Variants in KCNN2 observed in about 807,000 individuals in gnomAD.
KCNN2 encodes the protein small conductance calcium-activated potassium channel protein 2.
KCNN2 carries 24 observed loss-of-function variants against 55.5 expected under a neutral mutation model. The observed-to-expected ratio is 0.43, with a 90% CI of 0.31 to 0.61. The LOEUF (loss-of-function observed/expected upper bound fraction) is 0.61, where lower values mean the gene tolerates loss of function less well. Ranked by LOEUF, KCNN2 falls within the 20% of genes least tolerant of loss-of-function variation. KCNN2 has a pLI of 0.08. For missense variants in KCNN2, 754 were observed against 853.6 expected, an observed-to-expected ratio of 0.88 and a Z score of 1.45; for synonymous variants, 431 against 336.1, an observed-to-expected ratio of 1.28 and a Z score of -3.09.
intron 2 of KCNN2, among the ~76,000 whole-genome samples, chr5:114,276,934 T>C (rs1293744356): frequency 6.6e-6 from 1 of 152,184 alleles, no homozygotes; most frequent in Non-Finnish European, 1.5e-5. Context: ...CTTCATAGTG[T>C]CGATGGTCTT....
intron 1 of KCNN2, among the ~76,000 whole-genome samples, chr5:114,146,915 T>G (rs1454491616): frequency 2.0e-5 from 3 of 152,114 alleles, no homozygotes; most frequent in Non-Finnish European, 4.4e-5. Context: ...TTCTGACAGG[T>G]TTTTGTAACA....
chr5:114,305,437 TC>T (rs1756249486), intron 2 of KCNN2, among the ~76,000 whole-genome samples: 1 of 152,132 alleles, frequency 6.6e-6, no homozygotes, highest in African/African-American at 2.4e-5. Flanking sequence ...GTATGTTATC[TC>T]TGTGTTGGGG....
intron 2 of KCNN2, among the ~76,000 whole-genome samples, chr5:114,391,146 T>C (rs1758440277): frequency 6.6e-6 from 1 of 152,164 alleles, no homozygotes; most frequent in South Asian, 2.1e-4. Flanking sequence ...CTGGAGTTTC[T>C]AGAGCTTTTC....
At chr5:114,220,359 A>G (rs1455568860) in intron 1 of KCNN2, among the ~76,000 whole-genome samples, 1 of 152,142 alleles carries the variant, frequency 6.6e-6, no homozygotes, top group Non-Finnish European at 1.5e-5. Context: ...CTACTTTACC[A>G]TGGTAGTGGG....
chr5:114,430,026 G>A (rs1234497003), intron 3 of KCNN2, among the ~76,000 whole-genome samples: 2 of 151,714 alleles, frequency 1.3e-5, no homozygotes, highest in Non-Finnish European at 2.9e-5. Flanking sequence ...TTGATTAATG[G>A]CACATTATAC....
chr5:114,172,066 G>T (rs1753044339), intron 1 of KCNN2, among the ~76,000 whole-genome samples: 1 of 151,874 alleles, frequency 6.6e-6, no homozygotes, highest in Admixed American at 6.6e-5. Flanking sequence ...TTGACCAAGG[G>T]AAGGGAAGTT....
chr5:114,113,047 G>C (rs530328610), intron 1 of KCNN2, among the ~76,000 whole-genome samples: 1 of 152,038 alleles, frequency 6.6e-6, no homozygotes, highest in Non-Finnish European at 1.5e-5. Context: ...TAGTGATTCA[G>C]ACAGGAACCT....
At position 114,283,451 on chromosome 5, in the gene KCNN2, A is replaced by G. The variant is rs555963661; in HGVS notation, c.-185+61886A>G. ...TTTGCTATAATCTTAAATTCAGCTT[A>G]TATTTCATTGGTTGTAATAACTATA... On this transcript the variant is annotated intron_variant, in intron 2 of 10. Transcript: ENST00000512097. 1.6e-4 allele frequency among the ~76,000 whole-genome samples: 25 copies of G among 152,254 alleles called. No homozygotes were observed. The South Asian group carries it at 3.7e-3, about 23-fold the overall frequency.
At chr5:114,251,536 G>A (rs1449481016) in intron 2 of KCNN2, among the ~76,000 whole-genome samples, 2 of 152,112 alleles carry the variant, frequency 1.3e-5, no homozygotes, top group East Asian at 3.9e-4. Flanking sequence ...AGTTATTATT[G>A]TTGTTCTTAT....
intron 3 of KCNN2, among the ~76,000 whole-genome samples, chr5:114,430,977 TTAAG>T (rs1007464400): frequency 2.0e-5 from 3 of 152,156 alleles, no homozygotes; most frequent in Non-Finnish European, 4.4e-5. Flanking sequence ...GTTTTGTACT[TTAAG>T]TAAACTTGCT....
At chr5:114,276,658 A>ATTATT (rs200782288) in intron 2 of KCNN2, among the ~76,000 whole-genome samples, 1 of 130,450 alleles carries the variant, frequency 7.7e-6, no homozygotes, top group East Asian at 2.2e-4. Flanking sequence ...CAACCCCTGC[A>ATTATT]TTTTTTTTTT....
chr5:114,465,122 T>C (rs1761380875), intron 4 of KCNN2, among the ~76,000 whole-genome samples: 1 of 152,212 alleles, frequency 6.6e-6, no homozygotes, highest in Admixed American at 6.5e-5. Context: ...CAGGCTTATT[T>C]GCCATGGAAT....
chr5:114,480,907 AT>A (rs1762196922), intron 5 of KCNN2, among the ~76,000 whole-genome samples: 1 of 152,204 alleles, frequency 6.6e-6, no homozygotes, highest in Non-Finnish European at 1.5e-5. Flanking sequence ...CACAGCCAGT[AT>A]CATAATGGGC....
At chr5:114,110,901 A>C (rs1751582777) in intron 1 of KCNN2, among the ~76,000 whole-genome samples, 1 of 152,054 alleles carries the variant, frequency 6.6e-6, no homozygotes, top group East Asian at 1.9e-4. Context: ...GCTGGAATAA[A>C]ATTAGAATTT....
At chr5:114,176,095 A>G (rs1753125706) in intron 1 of KCNN2, among the ~76,000 whole-genome samples, 1 of 152,190 alleles carries the variant, frequency 6.6e-6, no homozygotes, top group Non-Finnish European at 1.5e-5. Context: ...TCTTGACCTC[A>G]GCACTGATGA....
At chr5:114,172,775 T>A (rs1164595316) in intron 1 of KCNN2, among the ~76,000 whole-genome samples, 1 of 151,770 alleles carries the variant, frequency 6.6e-6, no homozygotes, top group African/African-American at 2.4e-5. Flanking sequence ...GCCTGTTTTT[T>A]AATCAAATAT....
intron 1 of KCNN2, among the ~76,000 whole-genome samples, chr5:114,176,173 C>T (rs1753127562): frequency 6.6e-6 from 1 of 152,128 alleles, no homozygotes; most frequent in Admixed American, 6.6e-5. Context: ...TAGCAGCATC[C>T]ATGTTCCTTA....
intron 4 of KCNN2, 41 bp from the exon 5 acceptor site, chr5:114,473,013 G>C (rs1761820516): frequency 8.4e-7 from 1 of 1,192,004 alleles, no homozygotes; most frequent in Admixed American, 2.1e-5. Context: ...ACAGAAAGTA[G>C]TTAGTAATGC....
chr5:114,298,989 A>T (rs977348031), intron 2 of KCNN2, among the ~76,000 whole-genome samples: 2 of 152,170 alleles, frequency 1.3e-5, no homozygotes, highest in African/African-American at 4.8e-5. Context: ...CTGAATAACA[A>T]ATAGAATTTA....
Sources: allele counts gnomAD v4.1 joint callset (sites outside exome capture counted in the v4.1 genomes callset), GRCh38; gene constraint gnomAD v4.1.1; transcripts MANE v1.5; gene names NCBI Gene and HGNC (gene_info 2026-07-23, HGNC 2026-07-21).